NEBL: variants seen among roughly 807,000 people sequenced by gnomAD.
The protein encoded by NEBL is nebulette, also known as LIM and SH3 protein 2.
NEBL carries 122 observed loss-of-function variants against 140.2 expected under a neutral mutation model. That is an observed-to-expected ratio of 0.87 (90% CI 0.75 to 1.01). The LOEUF is 1.01. Ranked by LOEUF, NEBL falls within the 50% of genes least tolerant of loss-of-function variation. NEBL has a pLI of 0.00. For missense variants in NEBL, 1,365 were observed against 1,231.3 expected (o/e 1.11, Z -1.62); for synonymous variants, 436 against 398.9 (o/e 1.09, Z -1.11).
At chr10:20,941,826 G>C (rs377088871) in intron 4 of NEBL, among the ~76,000 whole-genome samples, 40 of 151,756 alleles carry the variant, frequency 2.6e-4, no homozygotes, top group Middle Eastern at 3.4e-3. Context: ...CATGAGTGAA[G>C]TCCCATTCAC....
chr10:20,855,214 C>T (rs899016520), intron 9 of NEBL, among the ~76,000 whole-genome samples: 1 of 142,744 alleles, frequency 7.0e-6, no homozygotes, highest in African/African-American at 2.6e-5. Context: ...GGAGACAGAG[C>T]GAGAGTCCGT....
intron 3 of NEBL, among the ~76,000 whole-genome samples, chr10:20,986,481 G>A (rs939722307): frequency 4.6e-5 from 7 of 152,158 alleles, no homozygotes; most frequent in Admixed American, 4.6e-4. Flanking sequence ...AATCAACCCA[G>A]CTAATTATTG....
chr10:21,049,369 G>C lies in NEBL; in HGVS notation c.165-29168C>G, dbSNP rs562674562. 1.1e-3 allele frequency among the ~76,000 whole-genome samples: 170 copies of C among 152,300 alleles called. 1 individual carries two copies. The highest frequency in any genetic ancestry group is 2.2e-4 in the Non-Finnish European group (15 of 68,030). On this transcript the variant is annotated intron_variant, in intron 2 of 6. Coordinates refer to the NEBL transcript ENST00000417816. The stretch of plus-strand genomic sequence containing the variant: ...CCCGCTGCTTTGCATTTTTGGAGAA[G>C]AAAGTTTATCAATTCATTGTAGATT...
intron 2 of NEBL, among the ~76,000 whole-genome samples, chr10:21,112,376 G>T (rs1838056836): frequency 6.6e-6 from 1 of 152,166 alleles, no homozygotes; most frequent in East Asian, 1.9e-4. Flanking sequence ...TTAAGAAAAT[G>T]TGGCACATAT....
At chr10:21,195,321 C>T (rs1841631566) in intron 3 of NEBL, among the ~76,000 whole-genome samples, 1 of 152,290 alleles carries the variant, frequency 6.6e-6, no homozygotes, top group African/African-American at 2.4e-5. Context: ...ACACCTAGCT[C>T]AACTTGAGTG....
chr10:21,068,138 CTT>C (rs1432833477), intron 2 of NEBL, among the ~76,000 whole-genome samples: 2 of 152,192 alleles, frequency 1.3e-5, no homozygotes, highest in Non-Finnish European at 2.9e-5. Flanking sequence ...TGATTCTACA[CTT>C]TACATTTTTT....
chr10:20,923,334 T>G (rs545994373), intron 4 of NEBL, among the ~76,000 whole-genome samples: 4 of 152,162 alleles, frequency 2.6e-5, no homozygotes, highest in Admixed American at 2.0e-4. Flanking sequence ...TCCCAAGTAC[T>G]GGGATCATAG....
At chr10:20,853,613 C>A (rs1408497288) in intron 9 of NEBL, among the ~76,000 whole-genome samples, 1 of 152,050 alleles carries the variant, frequency 6.6e-6, no homozygotes, top group South Asian at 2.1e-4. Context: ...AATAGTGAGA[C>A]CCCAGTTCTA....
chr10:21,095,759 A>G (rs1004977285), intron 2 of NEBL, among the ~76,000 whole-genome samples: 3 of 152,222 alleles, frequency 2.0e-5, no homozygotes, highest in African/African-American at 7.2e-5. Flanking sequence ...AATGAGATGT[A>G]ATATATTCCC....
chr10:21,077,342 C>T (rs1212242787), intron 2 of NEBL, among the ~76,000 whole-genome samples: 1 of 152,158 alleles, frequency 6.6e-6, no homozygotes, highest in African/African-American at 2.4e-5. Flanking sequence ...CAGTGGCTCA[C>T]GCCTGTAATC....
chr10:20,864,779 C>T (rs1844095512), intron 7 of NEBL, among the ~76,000 whole-genome samples: 1 of 152,010 alleles, frequency 6.6e-6, no homozygotes, highest in South Asian at 2.1e-4. Flanking sequence ...AACTTGCTGC[C>T]CAAATTTCTG....
chr10:20,848,644 G>T (rs945569836), intron 11 of NEBL, among the ~76,000 whole-genome samples: 13 of 152,096 alleles, frequency 8.5e-5, no homozygotes, highest in Admixed American at 7.9e-4. Context: ...AAGGGATCTA[G>T]GCTGTGCACT....
chr10:21,199,138 C>T (rs190829505), intron 3 of NEBL, among the ~76,000 whole-genome samples: 35 of 151,970 alleles, frequency 2.3e-4, no homozygotes, highest in Non-Finnish European at 3.8e-4. Flanking sequence ...AATCCTCCCA[C>T]CTCAGACTTC....
intron 4 of NEBL, among the ~76,000 whole-genome samples, chr10:20,924,438 A>G (rs967178503): frequency 4.7e-5 from 7 of 147,436 alleles, no homozygotes; most frequent in Admixed American, 6.8e-5. Context: ...AAAAAAAAAA[A>G]GGCTACACCT....
chr10:21,184,551 G>C (rs528462381), intron 3 of NEBL, among the ~76,000 whole-genome samples: 1 of 152,162 alleles, frequency 6.6e-6, no homozygotes, highest in African/African-American at 2.4e-5. Context: ...GCTTCATGGC[G>C]ATGGATGGAG....
intron 3 of NEBL, among the ~76,000 whole-genome samples, chr10:20,986,212 T>C (rs1057371351): frequency 2.0e-5 from 3 of 152,176 alleles, no homozygotes; most frequent in Non-Finnish European, 4.4e-5. Flanking sequence ...GGAAATATCA[T>C]ACCATATATA....
chr10:20,940,820 A>G (rs1383636337), intron 4 of NEBL, among the ~76,000 whole-genome samples: 1 of 152,204 alleles, frequency 6.6e-6, no homozygotes, highest in Non-Finnish European at 1.5e-5. Flanking sequence ...CTACGCAAAT[A>G]AACTAGAAAA....
intron 2 of NEBL, among the ~76,000 whole-genome samples, chr10:21,082,574 G>GA (rs1240144063): frequency 1.6e-5 from 2 of 127,658 alleles, no homozygotes; most frequent in East Asian, 4.0e-4. Flanking sequence ...AATTAAGACT[G>GA]TGTAGAGAGA....
At chr10:21,221,751 C>T (rs966600005) in intron 3 of NEBL, among the ~76,000 whole-genome samples, 11 of 152,140 alleles carry the variant, frequency 7.2e-5, no homozygotes, top group African/African-American at 1.7e-4. Context: ...GTGATCCGCC[C>T]GCCTTGACCT....
Sources: allele counts gnomAD v4.1 joint callset (sites outside exome capture counted in the v4.1 genomes callset), GRCh38; gene constraint gnomAD v4.1.1; transcripts MANE v1.5; gene names NCBI Gene and HGNC (gene_info 2026-07-23, HGNC 2026-07-21).